Variants in MSI2 observed in about 807,000 individuals in gnomAD.
MSI2 encodes RNA-binding protein Musashi homolog 2.
Under a neutral mutation model 45.6 loss-of-function variants are expected in MSI2, and 17 were observed. That is an observed-to-expected ratio of 0.37 (90% confidence interval 0.26 to 0.56). The LOEUF (loss-of-function observed/expected upper bound fraction) is 0.56, where lower values mean the gene tolerates loss of function less well. MSI2 is among the 20% of genes least tolerant of loss of function. MSI2 has a pLI of 0.77. For synonymous variants in MSI2, 156 were observed against 158.2 expected, an observed-to-expected ratio of 0.99 and a Z score of 0.11; for missense variants, 293 against 444.2, an observed-to-expected ratio of 0.66 and a Z score of 3.06.
At chr17:57,589,103 C>T (rs1904581778) in intron 7 of MSI2, among the ~76,000 whole-genome samples, 1 of 152,142 alleles carries the variant, frequency 6.6e-6, no homozygotes, top group Non-Finnish European at 1.5e-5. Context: ...CCTAGCCCTT[C>T]CCACCTTACA....
intron 5 of MSI2, among the ~76,000 whole-genome samples, chr17:57,344,408 G>A (rs1188938326): frequency 2.6e-5 from 4 of 152,288 alleles, no homozygotes; most frequent in East Asian, 3.9e-4. Context: ...ATCCTGCGCC[G>A]GAGTTTATTT....
chr17:57,408,865 C>G (rs1406227255), intron 6 of MSI2, among the ~76,000 whole-genome samples: 1 of 152,142 alleles, frequency 6.6e-6, no homozygotes, highest in African/African-American at 2.4e-5. Context: ...GTGGAGTGAA[C>G]ATTGATATGG....
At chr17:57,699,773 G>T in the MSI2 span, among the ~76,000 whole-genome samples, 1 of 152,220 alleles carries the variant, frequency 6.6e-6, no homozygotes, top group Non-Finnish European at 1.5e-5. Context: ...GTGGATGGGG[G>T]CCAAGGAGCA....
intron 5 of MSI2, among the ~76,000 whole-genome samples, chr17:57,303,589 T>C (rs1344445119): frequency 6.6e-6 from 1 of 152,214 alleles, no homozygotes; most frequent in East Asian, 1.9e-4. Context: ...TTAAAAATTA[T>C]TGTATTATTA....
At chr17:57,395,890 T>C (rs2083879226) in intron 5 of MSI2, among the ~76,000 whole-genome samples, 1 of 152,158 alleles carries the variant, frequency 6.6e-6, no homozygotes, top group African/African-American at 2.4e-5. Context: ...TGCCTTTAAC[T>C]AGCATGCGAG....
Position 57,529,828 on chromosome 17 carries a change from C to G in MSI2, c.454+104C>G. The G allele has an allele frequency of 1.1e-6, 1 of 937,478 alleles. No homozygotes were observed. The highest frequency in any genetic ancestry group is 1.6e-6 in the Non-Finnish European group (1 of 608,838). The allele number at this position is 937,478 out of a possible 1,614,324, so 58.1% of individuals were successfully genotyped here. ...AAAGATACAGTGAAGAGTCCAGAGT[C>G]AAGCAGGTAGAGGTGACCATCCATT... On this transcript the variant is annotated intron_variant, in intron 7 of 13. Coordinates refer to ENST00000284073, the MANE Select transcript of MSI2 (RefSeq NM_138962.4). This position sits in a 1 kb window ranked among gnomAD's most constrained non-coding sequence, Gnocchi z 5.3.
intron 8 of MSI2, among the ~76,000 whole-genome samples, chr17:57,603,294 G>T (rs1209708257): frequency 6.6e-6 from 1 of 152,194 alleles, no homozygotes. Context: ...TAAAGGGCTC[G>T]ATTCTCCTGA....
chr17:57,423,979 A>G (rs1310431940), intron 6 of MSI2, among the ~76,000 whole-genome samples: 1 of 152,262 alleles, frequency 6.6e-6, no homozygotes, highest in Non-Finnish European at 1.5e-5. Flanking sequence ...ATAAACCAAG[A>G]GGACAAGTAT....
chr17:57,414,546 C>G (rs61646494), intron 6 of MSI2, among the ~76,000 whole-genome samples: 1 of 151,986 alleles, frequency 6.6e-6, no homozygotes, highest in Non-Finnish European at 1.5e-5. Flanking sequence ...CCTGTCACCA[C>G]GCTTGGCTAA....
At chr17:57,398,473 G>T (rs1056857571) in intron 5 of MSI2, among the ~76,000 whole-genome samples, 4 of 152,250 alleles carry the variant, frequency 2.6e-5, no homozygotes, top group African/African-American at 9.6e-5. Context: ...CCATCTGAAA[G>T]CATGTAGAGA....
At chr17:57,293,595 G>GTTTTTTTTTTTTTTGTTTTTTTTTTTT (rs71139983) in intron 5 of MSI2, among the ~76,000 whole-genome samples, 3 of 134,720 alleles carry the variant, frequency 2.2e-5, no homozygotes, top group Non-Finnish European at 3.1e-5. Context: ...TTGTTTTTTT[G>GTTTTTTTTTTTTTTGTTTTTTTTTTTT]TTTTTTTTTT....
chr17:57,530,217 T>C (rs1290048895), intron 7 of MSI2, among the ~76,000 whole-genome samples: 4 of 152,336 alleles, frequency 2.6e-5, no homozygotes, highest in Middle Eastern at 3.4e-3. Context: ...CTGGAATGTG[T>C]AGAGGGCATC....
chr17:57,380,291 GC>G (rs1890884902), intron 5 of MSI2, among the ~76,000 whole-genome samples: 1 of 152,162 alleles, frequency 6.6e-6, no homozygotes, highest in African/African-American at 2.4e-5. Context: ...TCCATGCTGA[GC>G]CCCCAGAGCG....
chr17:57,582,507 A>C (rs1345229534), intron 7 of MSI2, among the ~76,000 whole-genome samples: 1 of 152,182 alleles, frequency 6.6e-6, no homozygotes, highest in Non-Finnish European at 1.5e-5. Flanking sequence ...TTAACACTTC[A>C]TGATCCAACT....
At chr17:57,676,638 C>T (rs1042178592) in intron 12 of MSI2, among the ~76,000 whole-genome samples, 24 of 152,198 alleles carry the variant, frequency 1.6e-4, no homozygotes, top group African/African-American at 5.8e-4. Flanking sequence ...CAGCTAGAGC[C>T]GTTGGGACTG....
intron 5 of MSI2, among the ~76,000 whole-genome samples, chr17:57,290,922 GC>G (rs1910355289): frequency 6.6e-6 from 1 of 152,232 alleles, no homozygotes; most frequent in Non-Finnish European, 1.5e-5. Flanking sequence ...TTCTGCCCAC[GC>G]TGGGGGGCCT....
chr17:57,567,030 A>T (rs566196160), intron 7 of MSI2, among the ~76,000 whole-genome samples: 3 of 152,308 alleles, frequency 2.0e-5, no homozygotes, highest in African/African-American at 7.2e-5. Flanking sequence ...GCTTCCATGT[A>T]GCAGGGAGCT....
intron 9 of MSI2, among the ~76,000 whole-genome samples, chr17:57,623,938 GAGATA>G (rs759716796): frequency 1.3e-5 from 2 of 152,200 alleles, no homozygotes; most frequent in Non-Finnish European, 2.9e-5. Flanking sequence ...ATTGGGGGTG[GAGATA>G]AGATCCCCCG....
intron 6 of MSI2, among the ~76,000 whole-genome samples, chr17:57,404,241 G>A (rs1363546315): frequency 1.3e-5 from 2 of 152,116 alleles, no homozygotes; most frequent in African/African-American, 2.4e-5. Flanking sequence ...AGGAGGTAGA[G>A]CTGGGTGTGG....
Sources: allele counts gnomAD v4.1 joint callset (sites outside exome capture counted in the v4.1 genomes callset), GRCh38; gene constraint gnomAD v4.1.1; non-coding constraint Gnocchi (gnomAD v3.1); transcripts MANE v1.5; gene names NCBI Gene and HGNC (gene_info 2026-07-23, HGNC 2026-07-21).